The following CASK variants were observed in gnomAD, a reference collection of about 807,000 sequenced individuals.
CASK encodes calcium/calmodulin dependent serine protein kinase.
In CASK, 4 loss-of-function variants were observed where a neutral mutation model predicts 82.9. That is an observed-to-expected ratio of 0.05 (90% confidence interval 0.02 to 0.11). The LOEUF (loss-of-function observed/expected upper bound fraction) is 0.11, where lower values mean the gene tolerates loss of function less well. Ranked by LOEUF, CASK falls within the 10% of genes least tolerant of loss-of-function variation. The pLI is 1.00. For synonymous variants in CASK, 259 were observed against 253.5 expected, an observed-to-expected ratio of 1.02 and a Z score of -0.20; for missense variants, 358 against 720.9, an observed-to-expected ratio of 0.50 and a Z score of 5.76.
chrX:41,859,225 AAAAAG>A (rs2071429059), intron 1 of CASK, among the ~76,000 whole-genome samples: 1 of 111,820 alleles, frequency 8.9e-6, no homozygotes, highest in Admixed American at 9.5e-5. Flanking sequence ...GAATGATTTA[AAAAAG>A]AAAAGACAAA....
At chrX:41,551,038 G>A (rs767667655) in intron 21 of CASK, among the ~76,000 whole-genome samples, 26 of 112,376 alleles carry the variant, frequency 2.3e-4, no homozygotes, top group Non-Finnish European at 4.1e-4. Flanking sequence ...GTTTCCTTGT[G>A]TGCCTGATAA....
At chrX:41,673,829 G>GTTTT (rs887137250) in intron 5 of CASK, among the ~76,000 whole-genome samples, 24 of 51,003 alleles carry the variant, frequency 4.7e-4, no homozygotes, top group Non-Finnish European at 5.4e-4. Flanking sequence ...AACTCTGGGT[G>GTTTT]TTTTTTTTTT....
chrX:41,550,791 G>T (rs184775751), intron 21 of CASK, among the ~76,000 whole-genome samples: 1 of 109,581 alleles, frequency 9.1e-6, no homozygotes, highest in Non-Finnish European at 1.9e-5. Context: ...CACGCCTGTT[G>T]TCCCAGCTAC....
intron 1 of CASK, among the ~76,000 whole-genome samples, chrX:41,875,299 C>G (rs1466252936): frequency 8.9e-6 from 1 of 112,159 alleles, no homozygotes; most frequent in Admixed American, 9.5e-5. Context: ...TACCACTTAA[C>G]TAAACATTGT....
intron 1 of CASK, among the ~76,000 whole-genome samples, chrX:41,903,291 G>C (rs1340594138): frequency 1.8e-5 from 2 of 112,262 alleles, no homozygotes; most frequent in Non-Finnish European, 3.8e-5. Context: ...GGCAGAAGGA[G>C]GAAGGAGGGC....
chrX:41,908,913 C>T (rs2072515240), intron 1 of CASK, among the ~76,000 whole-genome samples: 1 of 112,103 alleles, frequency 8.9e-6, no homozygotes, highest in East Asian at 2.8e-4. Context: ...TGCCCCATAG[C>T]ATAAAAGCAA....
At chrX:41,581,588 C>A (rs2065580759) in intron 14 of CASK, among the ~76,000 whole-genome samples, 1 of 110,287 alleles carries the variant, frequency 9.1e-6, no homozygotes, top group Non-Finnish European at 1.9e-5. Flanking sequence ...AAGAATAACT[C>A]CCAAACCTTG....
At chrX:41,676,554 C>T in intron 5 of CASK, 1 of 1,016,797 alleles carries the variant, frequency 9.8e-7, no homozygotes, top group Non-Finnish European at 1.3e-6. Flanking sequence ...CCTGGGTCTA[C>T]CTGGCGGGCG....
In CASK at chrX:41,519,514, T is replaced by A. The variant is rs756235105; in HGVS notation, c.*906A>T. On this transcript the variant is annotated 3_prime_UTR_variant, in exon 27 of 27. Transcript: ENST00000378163. ...CCACCCCACCTTACAACAAATTAAA[T>A]TGAGACAAAATTACAAACACATTTC... 1 of 111,189 alleles carries A rather than the reference T, an allele frequency of 9.0e-6. No individual in the cohort carries two copies. Among genetic ancestry groups the A allele is most frequent in the East Asian group, 2.8e-4 (1 of 3,588 alleles). 9.2% of individuals were successfully genotyped at this position (111,189 alleles called of 1,213,427 possible). A position where few individuals can be genotyped will look rare whatever the true frequency, so the allele number is the denominator to read the frequency against.
chrX:41,914,946 A>G (rs1360828567), intron 1 of CASK, among the ~76,000 whole-genome samples: 1 of 112,233 alleles, frequency 8.9e-6, no homozygotes, highest in Admixed American at 9.4e-5. Context: ...CAGACACATC[A>G]TGAATTGACT....
intron 19 of CASK, chrX:41,555,874 G>C: frequency 3.2e-6 from 1 of 308,266 alleles, no homozygotes. Context: ...GTGTTCTTAA[G>C]AAACAACTCA....
chrX:41,890,872 T>C (rs1304966603), intron 1 of CASK, among the ~76,000 whole-genome samples: 2 of 107,797 alleles, frequency 1.9e-5, no homozygotes, highest in African/African-American at 6.7e-5. Flanking sequence ...ATGTTGGTTG[T>C]GTAGGTGTTA....
chrX:41,754,150 C>A (rs1486784754), intron 3 of CASK, among the ~76,000 whole-genome samples: 1 of 111,429 alleles, frequency 9.0e-6, no homozygotes, highest in Non-Finnish European at 1.9e-5. Flanking sequence ...GTAATCCCAG[C>A]ACTCTGGGAG....
intron 10 of CASK, among the ~76,000 whole-genome samples, chrX:41,624,676 A>G (rs991503413): frequency 1.8e-5 from 2 of 111,944 alleles, no homozygotes; most frequent in African/African-American, 3.2e-5. Flanking sequence ...ACAAGCACAT[A>G]CTAATTGGTA....
intron 21 of CASK, among the ~76,000 whole-genome samples, chrX:41,547,379 T>C (rs905595741): frequency 5.4e-5 from 6 of 111,454 alleles, no homozygotes; most frequent in African/African-American, 1.6e-4. Context: ...GTTTGTCCTT[T>C]AGTTTCTGTA....
intron 11 of CASK, among the ~76,000 whole-genome samples, chrX:41,616,797 C>T (rs1006981445): frequency 2.7e-5 from 3 of 111,081 alleles, no homozygotes; most frequent in Admixed American, 9.6e-5. Context: ...TTAGTAGAGA[C>T]GGGGTTTCAC....
intron 1 of CASK, among the ~76,000 whole-genome samples, chrX:41,917,888 T>A (rs999412879): frequency 1.8e-5 from 2 of 111,709 alleles, no homozygotes; most frequent in Non-Finnish European, 3.8e-5. Context: ...ATCTGTAGCA[T>A]CCACACCCTG....
intron 5 of CASK, among the ~76,000 whole-genome samples, chrX:41,719,964 G>C (rs1352260947): frequency 8.9e-6 from 1 of 112,732 alleles, no homozygotes; most frequent in African/African-American, 3.2e-5. Context: ...ACGGCTAGCA[G>C]ATATTTAAGA....
intron 1 of CASK, among the ~76,000 whole-genome samples, chrX:41,857,507 G>C (rs1321831689): frequency 9.0e-6 from 1 of 111,488 alleles, no homozygotes; most frequent in Non-Finnish European, 1.9e-5. Context: ...TACACAATAA[G>C]ACTTCAAATT....
Sources: allele counts gnomAD v4.1 joint callset (sites outside exome capture counted in the v4.1 genomes callset), GRCh38; gene constraint gnomAD v4.1.1; transcripts MANE v1.5; gene names NCBI Gene and HGNC (gene_info 2026-07-23, HGNC 2026-07-21).